The following CCDC14 variants were observed in gnomAD, a reference collection of about 807,000 sequenced individuals.
The protein encoded by CCDC14 is coiled-coil domain containing 14, also known as coiled-coil domain-containing protein 14.
CCDC14 carries 71 observed loss-of-function variants against 81.4 expected under a neutral mutation model. The ratio of observed to expected loss-of-function variants is 0.87; its 90% CI spans 0.72 to 1.06. The LOEUF is 1.06. Ranked by LOEUF, CCDC14 falls within the 50% of genes least tolerant of loss-of-function variation. CCDC14 has a pLI of 0.00. For synonymous variants in CCDC14, 332 were observed against 364.8 expected (o/e 0.91, Z 1.03); for missense variants, 1,046 against 1,047.3 (o/e 1.00, Z 0.02).
the CCDC14 span, among the ~76,000 whole-genome samples, chr3:123,887,457 C>G: frequency 7.1e-6 from 1 of 141,250 alleles, no homozygotes; most frequent in African/African-American, 2.7e-5. Context: ...CTTGGTCCAG[C>G]TGGGTTGCTA....
At chr3:123,948,277 C>T (rs1295616310) in intron 7 of CCDC14, among the ~76,000 whole-genome samples, 1 of 150,550 alleles carries the variant, frequency 6.6e-6, no homozygotes, top group African/African-American at 2.4e-5. Flanking sequence ...CACTCTGTAG[C>T]CCAGGCTGGA....
intron 5 of CCDC14, among the ~76,000 whole-genome samples, chr3:123,898,589 G>A (rs891878218): frequency 2.0e-5 from 3 of 151,964 alleles, no homozygotes; most frequent in African/African-American, 7.3e-5. Flanking sequence ...GGTGAGTGGA[G>A]GATTGAGATG....
chr3:123,935,537 T>C (rs1553716661), intron 9 of CCDC14, among the ~76,000 whole-genome samples: 1 of 152,190 alleles, frequency 6.6e-6, no homozygotes, highest in Non-Finnish European at 1.5e-5. Flanking sequence ...ACATAAATTA[T>C]GGTACATCCA....
Position 123,948,702 on chromosome 3 carries a change from T to C in CCDC14, c.673A>G (p.Lys225Glu). ...AGAACTGTACGCACAGAATGAACCT[T>C]TGGAGGGCAGGGTGGCCGCTGAAGT... is the stretch of plus-strand genomic sequence containing the variant. ...WSLQRPPCPP[K>E]VHSEVQTDGN... The change falls in exon 7 of 13, where the codon AAG (lysine) becomes GAG (glutamate). Residue 225 changes from lysine to glutamate, a missense_variant. Transcript: ENST00000409697. 6.3e-7 allele frequency: 1 copy of C among 1,599,752 alleles called. No individual in the cohort carries two copies. The highest frequency in any genetic ancestry group is 8.5e-7 in the Non-Finnish European group (1 of 1,176,162).
intron 5 of CCDC14, among the ~76,000 whole-genome samples, chr3:123,901,583 A>C (rs915692524): frequency 6.6e-6 from 1 of 152,182 alleles, no homozygotes; most frequent in Admixed American, 6.5e-5. Context: ...TTGAAGAAAA[A>C]TATCTAGGAG....
In CCDC14 at chr3:123,955,977, A is replaced by G. The variant is rs551615179; in HGVS notation, c.230-12T>C. 58 of 1,528,450 alleles carry G rather than the reference A, an allele frequency of 3.8e-5. No homozygotes were observed. The Middle Eastern group carries it at 1.7e-3, about 45-fold the overall frequency. The allele number at this position is 1,528,450 out of a possible 1,614,324, so 94.7% of individuals were successfully genotyped here. A position where few individuals can be genotyped will look rare whatever the true frequency, so the allele number is the denominator to read the frequency against. Reference sequence around the variant, plus strand: ...TGCTGTTTCTGAACCTATTAATAAAACAAAAATTTGTTACATCAAAATAAT... The same window carrying G: ...TGCTGTTTCTGAACCTATTAATAAAGCAAAAATTTGTTACATCAAAATAAT... On this transcript the variant is annotated splice_polypyrimidine_tract_variant and intron_variant, in intron 4 of 12. Transcript: ENST00000409697.
At chr3:123,910,264 G>A (rs1006755576), downstream of CCDC14, among the ~76,000 whole-genome samples, 6 of 152,150 alleles carry the variant, frequency 3.9e-5, no homozygotes, top group Non-Finnish European at 7.3e-5. Flanking sequence ...TGATGGCTAA[G>A]ATAGCCAACT....
At chr3:123,924,166 AAGG>A (rs1157896750) in intron 12 of CCDC14, among the ~76,000 whole-genome samples, 2 of 152,158 alleles carry the variant, frequency 1.3e-5, no homozygotes, top group African/African-American at 4.8e-5. Context: ...ATTTTTCACA[AAGG>A]TGACAAGAAA....
chr3:123,900,233 G>T (rs972188400), intron 5 of CCDC14, among the ~76,000 whole-genome samples: 1 of 152,194 alleles, frequency 6.6e-6, no homozygotes, highest in African/African-American at 2.4e-5. Context: ...AAGAGAGAAA[G>T]AAAAAAGAAG....
intron 5 of CCDC14, among the ~76,000 whole-genome samples, chr3:123,898,448 G>C (rs931203128): frequency 1.3e-5 from 2 of 151,420 alleles, no homozygotes; most frequent in African/African-American, 4.8e-5. Flanking sequence ...CCTCTTTTTT[G>C]GTAACCTCTA....
chr3:123,923,819 C>T (rs1000522543), intron 12 of CCDC14, among the ~76,000 whole-genome samples: 3 of 151,280 alleles, frequency 2.0e-5, no homozygotes, highest in African/African-American at 7.3e-5. Flanking sequence ...TGGAAGGCTA[C>T]CCTGTGCTCA....
At chr3:123,933,940 C>A (rs372404198) in intron 9 of CCDC14, among the ~76,000 whole-genome samples, 185 bp from the exon 10 acceptor site, 6 of 152,012 alleles carry the variant, frequency 3.9e-5, no homozygotes, top group East Asian at 1.9e-4. Context: ...TATTATGAGG[C>A]CTGAGATAAT....
In CCDC14 at chr3:123,913,430, CTTTT is replaced by C. The variant is rs891700683; in HGVS notation, c.*1345_*1348del. ...GTAGACAGATGACACAATTTTTTTC[CTTTT>C]TTATTATTTTTTATTTCTGAACTTA... On this transcript the variant is annotated 3_prime_UTR_variant, in exon 13 of 13. Transcript: ENST00000409697. 1.1e-5 allele frequency: 11 copies of C among 981,854 alleles called. No individual in the cohort carries two copies. The East Asian group carries it at 7.9e-4, about 71-fold the overall frequency. The allele number at this position is 981,854 out of a possible 1,614,324, so 60.8% of individuals were successfully genotyped here.
Position 123,948,987 on chromosome 3 carries a change from C to T in CCDC14, c.498G>A (p.Val166=). 2 of 1,613,954 alleles carry T rather than the reference C, an allele frequency of 1.2e-6. No individual in the cohort carries two copies. The highest frequency in any genetic ancestry group is 1.7e-6 in the Non-Finnish European group (2 of 1,179,864). ...PIIYQALCEH[V]QTQMSLMNDL... ...CATTCATCAGTGACATCTGAGTCTG[C>T]ACGTGCTCACAGAGGGCTTGGTATA... Residue 166 remains valine, a synonymous_variant, in exon 6 of 13, where the codon GTG becomes GTA. Transcript: ENST00000409697.
In CCDC14 at chr3:123,914,169, A is replaced by G. The variant is rs1392007146; in HGVS notation, c.*610T>C. 4 of 985,074 alleles carry G rather than the reference A, an allele frequency of 4.1e-6. No homozygotes were observed. The highest frequency in any genetic ancestry group is 4.8e-6 in the Non-Finnish European group (4 of 829,352). 61.0% of individuals were successfully genotyped at this position (985,074 alleles called of 1,614,324 possible). A position where few individuals can be genotyped will look rare whatever the true frequency, so the allele number is the denominator to read the frequency against. ...AAACATGAATTTGGGATAAAAACAA[A>G]TAAAAGTGCCCAAGTTTTAAGAAGC... On this transcript the variant is annotated 3_prime_UTR_variant, in exon 13 of 13. Coordinates refer to ENST00000409697, the MANE Select transcript of CCDC14 (RefSeq NM_001366335.1).
At chr3:123,909,061 C>T (rs922097322), downstream of CCDC14, among the ~76,000 whole-genome samples, 1 of 152,094 alleles carries the variant, frequency 6.6e-6, no homozygotes, top group African/African-American at 2.4e-5. Flanking sequence ...AAACAAACTA[C>T]TACCCTCCAA....
At chr3:123,895,244 T>A (rs906725958), downstream of CCDC14, among the ~76,000 whole-genome samples, 1 of 152,200 alleles carries the variant, frequency 6.6e-6, no homozygotes, top group African/African-American at 2.4e-5. Context: ...CCGCTGCACT[T>A]CCTTCCTGTC....
chr3:123,915,583 A>G lies in CCDC14; in HGVS notation c.1914T>C (p.Ala638=). The G allele has an allele frequency of 1.2e-6, 2 of 1,614,020 alleles. No homozygotes were observed. The highest frequency in any genetic ancestry group is 1.7e-6 in the Non-Finnish European group (2 of 1,179,900). ...TTAGATAGCTCATTATGGAAGTGTG[A>G]GCAGGAGCTGGGTCATGTTGAAGTT... is the stretch of plus-strand genomic sequence containing the variant. The part of the protein sequence containing the change: ...DKQLQHDPAP[A]HTSIMSYLNK... The change falls in exon 13 of 13, where the codon GCT becomes GCC. Residue 638 remains alanine (A), a synonymous_variant. Coordinates refer to ENST00000409697, the MANE Select transcript of CCDC14 (RefSeq NM_001366335.1).
chr3:123,955,970 T>C lies in CCDC14; in HGVS notation c.230-5A>G. On this transcript the variant is annotated splice_region_variant and splice_polypyrimidine_tract_variant and intron_variant, in intron 4 of 12. Coordinates refer to ENST00000409697, the MANE Select transcript of CCDC14 (RefSeq NM_001366335.1). ...CTAAATATGCTGTTTCTGAACCTAT[T>C]AATAAAACAAAAATTTGTTACATCA... 1 of 1,527,522 alleles carries C rather than the reference T, an allele frequency of 6.5e-7. No homozygotes were observed. The allele number at this position is 1,527,522 out of a possible 1,614,324, so 94.6% of individuals were successfully genotyped here. A position where few individuals can be genotyped will look rare whatever the true frequency, so the allele number is the denominator to read the frequency against.
Sources: gnomAD v4.1 joint callset for allele counts (sites outside exome capture counted in the v4.1 genomes callset) on GRCh38, gnomAD v4.1.1 for gene constraint, MANE v1.5 for transcripts, NCBI Gene and HGNC (gene_info 2026-07-23, HGNC 2026-07-21) for gene names.